RIMKLA: variants seen among roughly 807,000 people sequenced by gnomAD.
RIMKLA encodes the protein N-acetylaspartylglutamate synthase A.
Under a neutral mutation model 32.7 loss-of-function variants are expected in RIMKLA, and 14 were observed. The observed-to-expected ratio is 0.43, with a 90% CI of 0.28 to 0.67. RIMKLA has a LOEUF of 0.67. Ranked by LOEUF, RIMKLA falls within the 30% of genes least tolerant of loss-of-function variation. RIMKLA has a pLI of 0.18. For synonymous variants in RIMKLA, 176 were observed against 204.1 expected (o/e 0.86, Z 1.18); for missense variants, 410 against 519.0 (o/e 0.79, Z 2.04).
At chr1:42,397,449 A>G (rs938919242) in intron 1 of RIMKLA, among the ~76,000 whole-genome samples, 1 of 152,244 alleles carries the variant, frequency 6.6e-6, no homozygotes. Flanking sequence ...TTGCCTGGGC[A>G]CAGTGGCTTA....
intron 1 of RIMKLA, among the ~76,000 whole-genome samples, chr1:42,383,232 G>C (rs868494092): frequency 1.3e-5 from 2 of 152,094 alleles, no homozygotes; most frequent in African/African-American, 4.8e-5. Context: ...TTGCCTGGTC[G>C]ATGGAGAAAT....
rs1257985060 is a variant in RIMKLA at position 42,410,103 on chromosome 1, C to T, written c.601C>T (p.Arg201Trp). 5.6e-6 allele frequency: 9 copies of T among 1,613,986 alleles called. No homozygotes were observed. Among genetic ancestry groups the T allele is most frequent in the Non-Finnish European group, 7.6e-6 (9 of 1,180,002 alleles). The change falls in exon 4 of 5, where the codon CGG (arginine) becomes TGG (tryptophan). Residue 201 changes from arginine to tryptophan, a missense_variant. Arg to Trp is a moderately radical substitution (Grantham distance 101). Transcript: ENST00000431473. Reference sequence around the variant, plus strand: ...GAAGGAGTCCCATGGAAAGGACATCCGGGTGGTGGTGGTAGGGGGCCAGGT... The same window carrying T: ...GAAGGAGTCCCATGGAAAGGACATCTGGGTGGTGGTGGTAGGGGGCCAGGT... ...YVKESHGKDI[R>W]VVVVGGQVIG...
rs1300404756 is a variant in RIMKLA at position 42,380,862 on chromosome 1, G to T, written c.-73G>T. The T allele has an allele frequency of 1.9e-6, 2 of 1,076,362 alleles. No homozygotes were observed. The highest frequency in any genetic ancestry group is 4.1e-5 in the East Asian group (1 of 24,494). 66.7% of individuals were successfully genotyped at this position (1,076,362 alleles called of 1,614,324 possible). A position where few individuals can be genotyped will look rare whatever the true frequency, so the allele number is the denominator to read the frequency against. ...CGCCCCGGACGCCGGCCGCCCCTCC[G>T]CTCGCCCTACTGAGCGAGCGGCCCG... On this transcript the variant is annotated 5_prime_UTR_variant, in exon 1 of 5. Transcript: ENST00000431473.
chr1:42,417,883 C>G lies in RIMKLA; in HGVS notation c.*2909C>G, dbSNP rs1295966030. On this transcript the variant is annotated 3_prime_UTR_variant, in exon 5 of 5. Coordinates refer to ENST00000431473, the MANE Select transcript of RIMKLA (RefSeq NM_173642.4). ...CCTTGGAGGTGGAGGCTGCAGTGAG[C>G]CAAGATTATGCCACTGCACTCCAGC... is the stretch of plus-strand genomic sequence containing the variant. The G allele has an allele frequency of 6.7e-6, 1 of 149,692 alleles. No homozygotes were observed. Among genetic ancestry groups the G allele is most frequent in the Non-Finnish European group, 1.5e-5 (1 of 67,824 alleles). 9.3% of individuals were successfully genotyped at this position (149,692 alleles called of 1,614,324 possible). A position where few individuals can be genotyped will look rare whatever the true frequency, so the allele number is the denominator to read the frequency against.
chr1:42,406,035 T>C (rs565150650), intron 3 of RIMKLA, among the ~76,000 whole-genome samples: 3 of 152,344 alleles, frequency 2.0e-5, no homozygotes, highest in Non-Finnish European at 4.4e-5. Flanking sequence ...GTCATTTTTA[T>C]TGTGGTAAAA....
At position 42,413,330 on chromosome 1, in the gene RIMKLA, G is replaced by A. The variant is rs150440010; in HGVS notation, c.686-1154G>A. The stretch of plus-strand genomic sequence containing the variant: ...TAGCCTGGCCAACATGGTGAAACCC[G>A]TGTCTACTAAAAATACAACAATTAG... On this transcript the variant is annotated intron_variant, in intron 4 of 4. Coordinates refer to ENST00000431473, the MANE Select transcript of RIMKLA (RefSeq NM_173642.4). Among the ~76,000 whole-genome samples, 646 of 151,616 alleles carry A rather than the reference G, an allele frequency of 4.3e-3. 4 individuals are homozygous for A. The highest frequency in any genetic ancestry group is 0.014 in the African/African-American group (594 of 41,330).
chr1:42,395,360 G>GT (rs71962302), intron 1 of RIMKLA, among the ~76,000 whole-genome samples: 566 of 138,622 alleles, frequency 4.1e-3, no homozygotes, highest in Non-Finnish European at 3.7e-3. Context: ...GGTTGTTTTA[G>GT]TTTTTTTTTT....
At chr1:42,386,191 G>A (rs1642945455) in intron 1 of RIMKLA, among the ~76,000 whole-genome samples, 1 of 151,796 alleles carries the variant, frequency 6.6e-6, no homozygotes, top group Non-Finnish European at 1.5e-5. Context: ...CAAAAATGCT[G>A]GTATTACGGG....
At chr1:42,390,233 T>C (rs1196137953) in intron 1 of RIMKLA, among the ~76,000 whole-genome samples, 1 of 152,074 alleles carries the variant, frequency 6.6e-6, no homozygotes, top group African/African-American at 2.4e-5. Flanking sequence ...AGATGGGGTT[T>C]TACCATGCTA....
chr1:42,406,597 G>A (rs922041149), intron 3 of RIMKLA, among the ~76,000 whole-genome samples: 2 of 152,148 alleles, frequency 1.3e-5, no homozygotes, highest in Non-Finnish European at 2.9e-5. Flanking sequence ...TATGACTGTT[G>A]TATGGCTGTA....
Position 42,417,014 on chromosome 1 carries a change from T to C in RIMKLA, c.*2040T>C, listed in dbSNP as rs1365762761. 3 of 152,250 alleles carry C rather than the reference T, an allele frequency of 2.0e-5. No homozygotes were observed. Among genetic ancestry groups the C allele is most frequent in the Non-Finnish European group, 4.4e-5 (3 of 68,052 alleles). 9.4% of individuals were successfully genotyped at this position (152,250 alleles called of 1,614,324 possible). A position where few individuals can be genotyped will look rare whatever the true frequency, so the allele number is the denominator to read the frequency against. ...TGTACCTTATCTTTACCACTCAGGGTGGCTTTAAAAGACGGACAGCTTTAG... is the reference window on the plus strand; with the variant it reads ...TGTACCTTATCTTTACCACTCAGGGCGGCTTTAAAAGACGGACAGCTTTAG... On this transcript the variant is annotated 3_prime_UTR_variant, in exon 5 of 5. Transcript: ENST00000431473.
Position 42,410,185 on chromosome 1 carries a change from T to G in RIMKLA, c.683T>G (p.Leu228Arg). 6.2e-7 allele frequency: 1 copy of G among 1,613,898 alleles called. No homozygotes were observed. Among genetic ancestry groups the G allele is most frequent in the Admixed American group, 1.7e-5 (1 of 60,014 alleles). ...GGACGGATGCAGAGCAACTGCTCTC[T>G]CGGTAAGGTATAAAAGCACAGGGTT... ...TDGRMQSNCS[L>R]GGVGVKCPLT... The change falls in exon 4 of 5, where the codon CTC becomes CGC. Residue 228 changes from leucine to arginine, a missense_variant and splice_region_variant. Leu to Arg is a moderately radical substitution (Grantham distance 102). Transcript: ENST00000431473.
chr1:42,398,578 G>A (rs1246486500), intron 1 of RIMKLA, among the ~76,000 whole-genome samples: 1 of 152,120 alleles, frequency 6.6e-6, no homozygotes, highest in Non-Finnish European at 1.5e-5. Flanking sequence ...ATTTGTATCT[G>A]TTTATATAGT....
At chr1:42,382,463 G>T (rs952088230) in intron 1 of RIMKLA, among the ~76,000 whole-genome samples, 2 of 152,076 alleles carry the variant, frequency 1.3e-5, no homozygotes, top group African/African-American at 4.8e-5. Context: ...AGAAACTAGG[G>T]GTTAAGGTTC....
In RIMKLA at chr1:42,399,451, C is replaced by G. The variant is rs138538645; in HGVS notation, c.211C>G (p.Leu71Val). ...CCTCACCACTTTCCCGGATGTGGTG[C>G]TTGTACGGGTACCCACACCCTCAGT... Reference protein sequence around the residue: ...KALTTFPDVVLVRVPTPSVQS... With the variant: ...KALTTFPDVVVVRVPTPSVQS... The change falls in exon 2 of 5, where the codon CTT becomes GTT. Residue 71 changes from leucine (L) to valine (V), a missense_variant. Physicochemically the swap from Leu to Val is conservative, Grantham distance 32. Coordinates refer to ENST00000431473, the MANE Select transcript of RIMKLA (RefSeq NM_173642.4). 1 of 1,613,104 alleles carries G rather than the reference C, an allele frequency of 6.2e-7. No individual in the cohort carries two copies. Among genetic ancestry groups the G allele is most frequent in the African/African-American group, 1.3e-5 (1 of 75,024 alleles).
intron 1 of RIMKLA, among the ~76,000 whole-genome samples, chr1:42,383,579 GA>G (rs1357955099): frequency 2.7e-5 from 4 of 150,770 alleles, no homozygotes; most frequent in African/African-American, 7.3e-5. Context: ...AGTATTTCTC[GA>G]AAAAAAAATT....
In RIMKLA at chr1:42,422,885, C is replaced by T. The variant is rs11210642; in HGVS notation, c.*7911C>T. Among the ~76,000 whole-genome samples the T allele has an allele frequency of 0.59, 89,355 of 152,000 alleles. 27,288 individuals are homozygous for T. The highest frequency in any genetic ancestry group is 0.72 in the South Asian group (3,494 of 4,822). ...CACGGGCCTGCTCAGCGTGCTCTCC[C>T]GGGCTGACATTCGAATTAAGATTCA... On this transcript the variant is annotated 3_prime_UTR_variant, in exon 5 of 5. Transcript: ENST00000431473.
intron 4 of RIMKLA, chr1:42,412,684 A>G: frequency 2.1e-6 from 1 of 473,192 alleles, no homozygotes; most frequent in South Asian, 1.6e-5. Flanking sequence ...GTCATCAGTT[A>G]GAAACCAGAT....
At position 42,412,306 on chromosome 1, in the gene RIMKLA, G is replaced by A. The variant is rs201280993; in HGVS notation, c.685+2119G>A. 2.3e-5 allele frequency: 4 copies of A among 173,242 alleles called. No homozygotes were observed. In the East Asian group the frequency reaches 5.3e-4, roughly 23 times the overall value. The allele number at this position is 173,242 out of a possible 1,614,324, so 10.7% of individuals were successfully genotyped here. A position where few individuals can be genotyped will look rare whatever the true frequency, so the allele number is the denominator to read the frequency against. ...GAATTGGTCTCTGTCCTTGGTACAG[G>A]ATTTTGTCTCAGTCCTTTCCATATC... On this transcript the variant is annotated intron_variant, in intron 4 of 4. Coordinates refer to ENST00000431473, the MANE Select transcript of RIMKLA (RefSeq NM_173642.4).
Sources: allele counts gnomAD v4.1 joint callset (sites outside exome capture counted in the v4.1 genomes callset), GRCh38; gene constraint gnomAD v4.1.1; transcripts MANE v1.5; gene names NCBI Gene and HGNC (gene_info 2026-07-23, HGNC 2026-07-21).